The following ZC3H12B variants were observed in gnomAD, a reference collection of about 807,000 sequenced individuals.
The protein encoded by ZC3H12B is probable ribonuclease ZC3H12B.
A neutral mutation model predicts 43.9 loss-of-function variants in ZC3H12B; 7 were observed. That is an observed-to-expected ratio of 0.16 (90% CI 0.09 to 0.30). The LOEUF is 0.30. ZC3H12B is among the 10% of genes least tolerant of loss of function. The pLI, the probability that ZC3H12B is intolerant of heterozygous loss-of-function variation, is 1.00. For missense variants in ZC3H12B, 475 were observed against 670.2 expected, an observed-to-expected ratio of 0.71 and a Z score of 3.22; for synonymous variants, 222 against 241.7, an observed-to-expected ratio of 0.92 and a Z score of 0.76.
At chrX:65,053,615 A>G in the ZC3H12B span, among the ~76,000 whole-genome samples, 1 of 111,713 alleles carries the variant, frequency 9.0e-6, no homozygotes, top group African/African-American at 3.3e-5. Flanking sequence ...TCCTCTGGGT[A>G]TATACCCAGT....
the ZC3H12B span, among the ~76,000 whole-genome samples, chrX:65,215,629 T>C: frequency 2.7e-5 from 3 of 111,401 alleles, no homozygotes; most frequent in Non-Finnish European, 5.6e-5. Flanking sequence ...CTCACTAACA[T>C]CAATAAGGCT....
the ZC3H12B span, among the ~76,000 whole-genome samples, chrX:65,103,212 G>A: frequency 3.6e-5 from 4 of 111,193 alleles, no homozygotes; most frequent in African/African-American, 1.3e-4. Context: ...GGCCATTTCA[G>A]AGACCTCCCC....
the ZC3H12B span, among the ~76,000 whole-genome samples, chrX:65,117,713 T>C: frequency 8.9e-6 from 1 of 112,103 alleles, no homozygotes; most frequent in African/African-American, 3.2e-5. Flanking sequence ...TTTAAGTCTT[T>C]AATCCATCTT....
the ZC3H12B span, among the ~76,000 whole-genome samples, chrX:65,140,421 A>G: frequency 1.8e-5 from 2 of 112,079 alleles, no homozygotes; most frequent in African/African-American, 3.2e-5. Context: ...ATATTGAACT[A>G]TCCTTGCAGT....
At chrX:65,490,083 G>T (rs1237549497) in intron 1 of ZC3H12B, among the ~76,000 whole-genome samples, 2 of 111,731 alleles carry the variant, frequency 1.8e-5, no homozygotes, top group Admixed American at 9.6e-5. Flanking sequence ...GTGGTAGGCT[G>T]AATGATAGCC....
chrX:65,257,585 A>G, the ZC3H12B span, among the ~76,000 whole-genome samples: 1 of 111,069 alleles, frequency 9.0e-6, no homozygotes, highest in Non-Finnish European at 1.9e-5. Flanking sequence ...CATGTACTCT[A>G]GAACTTAAAG....
chrX:65,127,308 A>T, the ZC3H12B span, among the ~76,000 whole-genome samples: 1 of 111,145 alleles, frequency 9.0e-6, no homozygotes, highest in Non-Finnish European at 1.9e-5. Context: ...GCCAGACTCC[A>T]GGCTAGCACT....
At chrX:65,051,371 C>T in the ZC3H12B span, among the ~76,000 whole-genome samples, 1 of 111,082 alleles carries the variant, frequency 9.0e-6, no homozygotes, top group Non-Finnish European at 1.9e-5. Context: ...TCCTTTCCTT[C>T]TGCTCACTTT....
At chrX:65,155,054 C>G in the ZC3H12B span, among the ~76,000 whole-genome samples, 1 of 108,598 alleles carries the variant, frequency 9.2e-6, no homozygotes, top group African/African-American at 3.4e-5. Flanking sequence ...CTCCTAAGCT[C>G]AAGCCATCCT....
At chrX:65,047,488 C>A in the ZC3H12B span, among the ~76,000 whole-genome samples, 1 of 110,957 alleles carries the variant, frequency 9.0e-6, no homozygotes, top group African/African-American at 3.3e-5. Context: ...ACAATTGTCA[C>A]CACTCCAAAG....
the ZC3H12B span, among the ~76,000 whole-genome samples, chrX:65,197,294 G>A: frequency 8.9e-6 from 1 of 111,966 alleles, no homozygotes; most frequent in Admixed American, 9.4e-5. Flanking sequence ...GCCGCCCAGG[G>A]ACCCGCCTGC....
the ZC3H12B span, among the ~76,000 whole-genome samples, chrX:65,295,198 A>G: frequency 1.8e-5 from 2 of 111,562 alleles, no homozygotes; most frequent in African/African-American, 6.5e-5. Context: ...TTGAAATTAT[A>G]TTAAGTATTC....
chrX:65,428,257 G>C (rs914553034), intron 3 of ZC3H12B, among the ~76,000 whole-genome samples: 1 of 111,367 alleles, frequency 9.0e-6, no homozygotes, highest in Non-Finnish European at 1.9e-5. Flanking sequence ...ATCTTTTTGT[G>C]GAGTATCTTA....
intron 3 of ZC3H12B, 124 bp downstream of exon 8, chrX:65,499,357 A>C (rs1270008114): frequency 9.4e-6 from 5 of 533,178 alleles, no homozygotes; most frequent in Non-Finnish European, 1.5e-5. Context: ...AGATAAAAGG[A>C]TGAATAAGGA....
chrX:65,340,704 C>A, the ZC3H12B span, among the ~76,000 whole-genome samples: 1 of 111,907 alleles, frequency 8.9e-6, no homozygotes, highest in Non-Finnish European at 1.9e-5. Flanking sequence ...AAAAACTCAT[C>A]CAAAGGATAG....
chrX:65,114,430 C>A, the ZC3H12B span, among the ~76,000 whole-genome samples: 1 of 110,096 alleles, frequency 9.1e-6, no homozygotes, highest in Admixed American at 9.7e-5. Context: ...AGTTCTAGAG[C>A]TATTCTAATA....
the ZC3H12B span, among the ~76,000 whole-genome samples, chrX:65,151,583 G>A: frequency 8.9e-6 from 1 of 111,841 alleles, no homozygotes; most frequent in Non-Finnish European, 1.9e-5. Context: ...CTTTAAAGGT[G>A]TGACTTCAGA....
At chrX:65,291,709 C>A in the ZC3H12B span, among the ~76,000 whole-genome samples, 1 of 111,868 alleles carries the variant, frequency 8.9e-6, no homozygotes, top group African/African-American at 3.2e-5. Context: ...TAATTAAATT[C>A]TAGATATCTA....
At chrX:65,104,840 G>A in the ZC3H12B span, among the ~76,000 whole-genome samples, 1 of 111,811 alleles carries the variant, frequency 8.9e-6, no homozygotes, top group Non-Finnish European at 1.9e-5. Flanking sequence ...GTGGAAAACA[G>A]TGTGGTGAGT....
Sources: gnomAD v4.1 joint callset for allele counts (sites outside exome capture counted in the v4.1 genomes callset) on GRCh38, gnomAD v4.1.1 for gene constraint, MANE v1.5 for transcripts, NCBI Gene and HGNC (gene_info 2026-07-23, HGNC 2026-07-21) for gene names.